LRP1B: variants seen among roughly 807,000 people sequenced by gnomAD.
The protein encoded by LRP1B is LDL receptor related protein 1B.
A neutral mutation model predicts 556.6 loss-of-function variants in LRP1B; 217 were observed. That is an observed-to-expected ratio of 0.39 (90% CI 0.35 to 0.44). The LOEUF (loss-of-function observed/expected upper bound fraction) is 0.44, where lower values mean the gene tolerates loss of function less well. Ranked by LOEUF, LRP1B falls within the 20% of genes least tolerant of loss-of-function variation. LRP1B has a pLI of 1.00. For missense variants in LRP1B, 5,053 were observed against 5,620.8 expected, an observed-to-expected ratio of 0.90 and a Z score of 3.23; for synonymous variants, 2,047 against 1,865.8, an observed-to-expected ratio of 1.10 and a Z score of -2.50.
chr2:140,476,474 C>G (rs1266885012), intron 59 of LRP1B, among the ~76,000 whole-genome samples: 1 of 151,852 alleles, frequency 6.6e-6, no homozygotes, highest in Non-Finnish European at 1.5e-5. Context: ...GAAATTTTTT[C>G]TCATAAATTC....
At position 140,321,005 on chromosome 2, in the gene LRP1B, G is replaced by A. The variant is rs559226077; in HGVS notation, c.12640+958C>T. Among the ~76,000 whole-genome samples the A allele has an allele frequency of 2.6e-5, 4 of 152,122 alleles. No homozygotes were observed. In the South Asian group the frequency reaches 6.2e-4, roughly 24 times the overall value. Reference sequence around the variant, plus strand: ...CAGGAGGTAGAGGTTGCAGTGAGCCGAGATCATGCCACTGCACTCCAGCCT... The same window carrying A: ...CAGGAGGTAGAGGTTGCAGTGAGCCAAGATCATGCCACTGCACTCCAGCCT... On this transcript the variant is annotated intron_variant, in intron 82 of 90. Coordinates refer to ENST00000389484, the MANE Select transcript of LRP1B (RefSeq NM_018557.3).
intron 1 of LRP1B, among the ~76,000 whole-genome samples, chr2:142,090,726 C>A (rs1037761722): frequency 6.6e-6 from 1 of 151,980 alleles, no homozygotes; most frequent in African/African-American, 2.4e-5. Context: ...ACCTGGAATT[C>A]CTGTTCCTAA....
chr2:140,300,831 T>C (rs1416321868), intron 83 of LRP1B, among the ~76,000 whole-genome samples: 1 of 152,088 alleles, frequency 6.6e-6, no homozygotes, highest in Non-Finnish European at 1.5e-5. Context: ...ATGTGAAGCA[T>C]TTCTAGCTGT....
intron 3 of LRP1B, among the ~76,000 whole-genome samples, chr2:141,467,861 T>G (rs888110539): frequency 1.4e-5 from 2 of 145,464 alleles, no homozygotes; most frequent in African/African-American, 2.5e-5. Flanking sequence ...AATTCCAGCA[T>G]ACAGTGTAGC....
intron 1 of LRP1B, among the ~76,000 whole-genome samples, chr2:141,828,575 T>A (rs375445746): frequency 6.6e-6 from 1 of 152,128 alleles, no homozygotes; most frequent in Non-Finnish European, 1.5e-5. Flanking sequence ...AATCATCATA[T>A]CCTTTGCAGG....
At chr2:140,906,972 T>TAAA (rs398060601) in intron 22 of LRP1B, among the ~76,000 whole-genome samples, 2,763 of 142,720 alleles carry the variant, frequency 0.019, 45 homozygotes, top group African/African-American at 0.037. Flanking sequence ...CCACATATGG[T>TAAA]AAAAAAAAAA....
At chr2:141,854,656 C>T (rs1414757522) in intron 1 of LRP1B, among the ~76,000 whole-genome samples, 3 of 151,644 alleles carry the variant, frequency 2.0e-5, no homozygotes, top group African/African-American at 7.3e-5. Flanking sequence ...AATGTGGATG[C>T]CATAAAATTG....
At chr2:141,245,381 T>C (rs1684029404) in intron 5 of LRP1B, among the ~76,000 whole-genome samples, 1 of 152,152 alleles carries the variant, frequency 6.6e-6, no homozygotes, top group Non-Finnish European at 1.5e-5. Flanking sequence ...AATCATAACA[T>C]GAGGTCATGT....
chr2:141,206,500 C>A (rs548620091), intron 6 of LRP1B, among the ~76,000 whole-genome samples: 1 of 151,846 alleles, frequency 6.6e-6, no homozygotes, highest in African/African-American at 2.4e-5. Context: ...CAGGGGAGAA[C>A]GGCGTAAATA....
chr2:140,607,703 GAC>G (rs1395121982), intron 41 of LRP1B, among the ~76,000 whole-genome samples: 2 of 151,462 alleles, frequency 1.3e-5, no homozygotes, highest in African/African-American at 4.9e-5. Flanking sequence ...ATACATACAG[GAC>G]ACAATTATAG....
intron 41 of LRP1B, among the ~76,000 whole-genome samples, chr2:140,675,817 T>C (rs1443170051): frequency 6.6e-6 from 1 of 152,186 alleles, no homozygotes; most frequent in Non-Finnish European, 1.5e-5. Context: ...GATGTATGTG[T>C]GTGTGCATAC....
chr2:140,938,986 T>A (rs984501221), intron 20 of LRP1B, among the ~76,000 whole-genome samples: 1 of 152,102 alleles, frequency 6.6e-6, no homozygotes, highest in Admixed American at 6.6e-5. Context: ...TTCCAGTATT[T>A]ATTGAATAAA....
intron 4 of LRP1B, among the ~76,000 whole-genome samples, chr2:141,253,935 A>G (rs1389634976): frequency 6.6e-6 from 1 of 152,132 alleles, no homozygotes; most frequent in Non-Finnish European, 1.5e-5. Flanking sequence ...ATATTAATAT[A>G]TGTATAATTG....
intron 3 of LRP1B, among the ~76,000 whole-genome samples, chr2:141,333,879 A>C (rs2714190): frequency 1.3e-5 from 2 of 151,870 alleles, no homozygotes; most frequent in Non-Finnish European, 2.9e-5. Flanking sequence ...GCATATGTGT[A>C]TGATATGAGT....
Position 140,444,378 on chromosome 2 carries a change from A to T in LRP1B, c.10246T>A (p.Cys3416Ser). ...NQKCIPVNLR[C>S]NGQDDCGDEE... ...TCACCACAGTCATCTTGCCCATTACATCTTAAGTTTACTGGGATACATTTC... is the reference window on the plus strand; with the variant it reads ...TCACCACAGTCATCTTGCCCATTACTTCTTAAGTTTACTGGGATACATTTC... Residue 3416 changes from cysteine to serine, a missense_variant, in exon 65 of 91, where the codon TGT (cysteine) becomes AGT (serine). Coordinates refer to ENST00000389484, the MANE Select transcript of LRP1B (RefSeq NM_018557.3). 2 of 1,613,976 alleles carry T rather than the reference A, an allele frequency of 1.2e-6. No homozygotes were observed. Among genetic ancestry groups the T allele is most frequent in the Non-Finnish European group, 1.7e-6 (2 of 1,179,906 alleles).
At chr2:141,433,788 G>A (rs1180291357) in intron 3 of LRP1B, among the ~76,000 whole-genome samples, 1 of 151,834 alleles carries the variant, frequency 6.6e-6, no homozygotes, top group African/African-American at 2.4e-5. Flanking sequence ...TTTCTTGGAT[G>A]TATGTTAATG....
At chr2:140,632,751 T>C (rs748464095) in intron 41 of LRP1B, among the ~76,000 whole-genome samples, 3 of 152,106 alleles carry the variant, frequency 2.0e-5, no homozygotes, top group Non-Finnish European at 4.4e-5. Context: ...CAAGACCCAA[T>C]TATATGTTGT....
chr2:140,444,714 A>G (rs754712631), intron 63 of LRP1B, 35 bp from the exon 64 acceptor site: 3 of 1,268,152 alleles, frequency 2.4e-6, no homozygotes, highest in South Asian at 2.4e-5. Context: ...TGGAATGGTA[A>G]TCTTACCTCA....
chr2:141,731,784 C>A (rs1374659089), intron 2 of LRP1B, among the ~76,000 whole-genome samples: 1 of 152,110 alleles, frequency 6.6e-6, no homozygotes, highest in Non-Finnish European at 1.5e-5. Flanking sequence ...GGACACTAAC[C>A]TCATTAGGTT....
Sources: allele counts gnomAD v4.1 joint callset (sites outside exome capture counted in the v4.1 genomes callset), GRCh38; gene constraint gnomAD v4.1.1; transcripts MANE v1.5; gene names NCBI Gene and HGNC (gene_info 2026-07-23, HGNC 2026-07-21).